SAMD12: variants seen among roughly 807,000 people sequenced by gnomAD.
The protein encoded by SAMD12 is sterile alpha motif domain-containing protein 12.
A neutral mutation model predicts 15.0 loss-of-function variants in SAMD12; 9 were observed. The observed-to-expected ratio is 0.60, with a 90% CI of 0.36 to 1.05. SAMD12 has a LOEUF of 1.05. SAMD12 is among the 50% of genes least tolerant of loss of function. The pLI is 0.01. For synonymous variants in SAMD12, 86 were observed against 90.1 expected, an observed-to-expected ratio of 0.96 and a Z score of 0.25; for missense variants, 230 against 234.2, an observed-to-expected ratio of 0.98 and a Z score of 0.12.
intron 4 of SAMD12, among the ~76,000 whole-genome samples, chr8:118,215,799 A>G (rs1475624311): frequency 6.6e-6 from 1 of 150,380 alleles, no homozygotes; most frequent in Non-Finnish European, 1.5e-5. Context: ...TGAACTCATT[A>G]CTTTTTATGG....
intron 4 of SAMD12, among the ~76,000 whole-genome samples, chr8:118,227,996 C>A (rs1812222792): frequency 6.6e-6 from 1 of 152,182 alleles, no homozygotes; most frequent in South Asian, 2.1e-4. Flanking sequence ...TTATAGGCAA[C>A]TGATCTTTGA....
intron 4 of SAMD12, among the ~76,000 whole-genome samples, chr8:118,236,752 A>C (rs1189053744): frequency 6.6e-6 from 1 of 152,178 alleles, no homozygotes; most frequent in Admixed American, 6.6e-5. Flanking sequence ...TTTGGCCCTT[A>C]AGATGTGATG....
At chr8:118,342,147 C>G (rs1014781042) in intron 4 of SAMD12, among the ~76,000 whole-genome samples, 1 of 152,136 alleles carries the variant, frequency 6.6e-6, no homozygotes, top group Non-Finnish European at 1.5e-5. Flanking sequence ...AAAAAATTAG[C>G]CAGGCTTGGT....
At chr8:118,433,835 A>G (rs1822494097) in intron 3 of SAMD12, among the ~76,000 whole-genome samples, 2 of 152,230 alleles carry the variant, frequency 1.3e-5, no homozygotes, top group African/African-American at 4.8e-5. Flanking sequence ...GAAAATGTGT[A>G]GCTGACACAC....
intron 4 of SAMD12, chr8:118,295,826 G>A (rs777214709): frequency 6.6e-6 from 1 of 151,774 alleles, no homozygotes; most frequent in Non-Finnish European, 1.5e-5. Flanking sequence ...TTTTTCTTTT[G>A]TAGAGATGAA....
intron 4 of SAMD12, among the ~76,000 whole-genome samples, chr8:118,372,034 A>T (rs73325680): frequency 0.012 from 1,754 of 152,302 alleles, 31 homozygotes; most frequent in African/African-American, 0.039. Context: ...CTGGCATGTG[A>T]ACATCAGATT....
exon 5 of SAMD12, chr8:118,195,105 C>T (rs2129747248): frequency 6.6e-6 from 1 of 152,212 alleles, no homozygotes; most frequent in Admixed American, 6.5e-5. Flanking sequence ...TCACAGCGTT[C>T]CTTTGACTTA....
intron 4 of SAMD12, among the ~76,000 whole-genome samples, chr8:118,270,456 C>T (rs72675861): frequency 1.3e-5 from 2 of 152,170 alleles, no homozygotes; most frequent in Non-Finnish European, 2.9e-5. Context: ...AATATCATTA[C>T]CATCCCGTTT....
intron 4 of SAMD12, among the ~76,000 whole-genome samples, chr8:118,359,179 A>C (rs955902286): frequency 2.0e-5 from 3 of 152,308 alleles, no homozygotes; most frequent in Middle Eastern, 3.4e-3. Context: ...AGAGGCAATT[A>C]AGTTAAAATG....
At chr8:118,497,355 G>A (rs1192741840) in intron 2 of SAMD12, among the ~76,000 whole-genome samples, 1 of 152,194 alleles carries the variant, frequency 6.6e-6, no homozygotes, top group Non-Finnish European at 1.5e-5. Context: ...TAAAGAAAAT[G>A]TGGTACATAC....
At chr8:118,161,636 T>A in the SAMD12 span, among the ~76,000 whole-genome samples, 13 of 150,060 alleles carry the variant, frequency 8.7e-5, no homozygotes, top group Admixed American at 2.0e-4. Flanking sequence ...TATTTACAGA[T>A]CATATATCTG....
chr8:118,488,337 C>T (rs890638188), intron 2 of SAMD12, among the ~76,000 whole-genome samples: 2 of 152,102 alleles, frequency 1.3e-5, no homozygotes, highest in African/African-American at 4.8e-5. Context: ...CTCAGAACCA[C>T]CATATACAAT....
intron 3 of SAMD12, among the ~76,000 whole-genome samples, chr8:118,418,979 T>C (rs1178052806): frequency 6.6e-6 from 1 of 152,208 alleles, no homozygotes; most frequent in African/African-American, 2.4e-5. Flanking sequence ...CTCTTGGTGA[T>C]TAATATCTTC....
chr8:118,477,347 A>C (rs1311165223), intron 2 of SAMD12, among the ~76,000 whole-genome samples: 3 of 152,056 alleles, frequency 2.0e-5, no homozygotes, highest in African/African-American at 7.2e-5. Flanking sequence ...ATTACAGGCA[A>C]GAGCCATTGC....
intron 2 of SAMD12, among the ~76,000 whole-genome samples, chr8:118,474,760 A>C (rs1004551025): frequency 2.0e-5 from 3 of 152,096 alleles, no homozygotes; most frequent in Admixed American, 6.5e-5. Flanking sequence ...AAGACAGATA[A>C]ATTGCTGTAG....
At chr8:118,619,928 T>C (rs1449809059) in intron 1 of SAMD12, among the ~76,000 whole-genome samples, 2 of 152,136 alleles carry the variant, frequency 1.3e-5, no homozygotes, top group Non-Finnish European at 2.9e-5. Context: ...AAGATAGGAA[T>C]CATATTTGAA....
chr8:118,485,317 C>G (rs1824246644), intron 2 of SAMD12, among the ~76,000 whole-genome samples: 1 of 152,080 alleles, frequency 6.6e-6, no homozygotes, highest in Admixed American at 6.5e-5. Context: ...TGCAATGACA[C>G]ATTAAATACA....
rs145927507 is a variant in SAMD12, at chr8:118,217,307, C to G, written c.434-19575G>C. 5.5e-4 allele frequency among the ~76,000 whole-genome samples: 84 copies of G among 152,244 alleles called. No homozygotes were observed. In the East Asian group the frequency reaches 0.014, roughly 25 times the overall value. On this transcript the variant is annotated intron_variant, in intron 4 of 4. Transcript: ENST00000409003. The stretch of plus-strand genomic sequence containing the variant: ...GTGAGCCACTGCGCCCGGGCCTGGT[C>G]TCTAACTTTCTACTTTCTGCTCCCA...
At chr8:118,595,023 C>T (rs1009234005) in intron 1 of SAMD12, among the ~76,000 whole-genome samples, 6 of 152,154 alleles carry the variant, frequency 3.9e-5, no homozygotes, top group Non-Finnish European at 8.8e-5. Context: ...AACACCATTA[C>T]CTACATCCCT....
Sources: allele counts gnomAD v4.1 joint callset (sites outside exome capture counted in the v4.1 genomes callset), GRCh38; gene constraint gnomAD v4.1.1; transcripts MANE v1.5; gene names NCBI Gene and HGNC (gene_info 2026-07-23, HGNC 2026-07-21).